The following SHOC2 variants were observed in gnomAD, a reference collection of about 807,000 sequenced individuals.
SHOC2 encodes the protein SHOC2 leucine rich repeat scaffold protein.
Under a neutral mutation model 50.2 loss-of-function variants are expected in SHOC2, and 4 were observed. The ratio of observed to expected loss-of-function variants is 0.08; its 90% CI spans 0.04 to 0.18. The LOEUF is 0.18. Ranked by LOEUF, SHOC2 falls within the 10% of genes least tolerant of loss-of-function variation. The pLI is 1.00. For missense variants in SHOC2, 388 were observed against 669.6 expected, an observed-to-expected ratio of 0.58 and a Z score of 4.64; for synonymous variants, 218 against 244.5, an observed-to-expected ratio of 0.89 and a Z score of 1.01.
intron 1 of SHOC2, among the ~76,000 whole-genome samples, chr10:110,925,399 G>GT (rs1171743813): frequency 4.6e-5 from 7 of 151,994 alleles, no homozygotes; most frequent in South Asian, 2.1e-4. Context: ...TATTTTTTGG[G>GT]TTTTTTTGTT....
chr10:110,955,175 G>T (rs146630123), intron 1 of SHOC2, among the ~76,000 whole-genome samples: 2,167 of 152,192 alleles, frequency 0.014, 39 homozygotes, highest in Admixed American at 0.018. Context: ...TTTAAAGTAT[G>T]TGGGAATCAG....
intron 3 of SHOC2, among the ~76,000 whole-genome samples, chr10:110,987,117 T>G (rs1444764361): frequency 6.6e-6 from 1 of 152,236 alleles, no homozygotes; most frequent in Non-Finnish European, 1.5e-5. Context: ...TAGCTGCATC[T>G]TCCAGTTAGG....
intron 1 of SHOC2, among the ~76,000 whole-genome samples, chr10:110,954,119 TTAA>T (rs1170235411): frequency 2.6e-5 from 4 of 151,624 alleles, no homozygotes; most frequent in African/African-American, 9.7e-5. Context: ...GTATAATTTA[TTAA>T]TGTTTATATT....
rs1766200044 is a variant in SHOC2, at chr10:111,013,008, A to G, written c.*1190A>G. The G allele has an allele frequency of 6.5e-6, 1 of 152,686 alleles. No individual in the cohort carries two copies. The highest frequency in any genetic ancestry group is 6.5e-5 in the Admixed American group (1 of 15,290). The allele number at this position is 152,686 out of a possible 1,614,324, so 9.5% of individuals were successfully genotyped here. ...GCACTGGCTTCAAACAATTCAGTTC[A>G]GTATCATTACTTTTAATCTCATCTT... is the stretch of plus-strand genomic sequence containing the variant. On this transcript the variant is annotated 3_prime_UTR_variant, in exon 9 of 9. Transcript: ENST00000369452.
intron 1 of SHOC2, among the ~76,000 whole-genome samples, chr10:110,945,956 C>T (rs997130181): frequency 6.6e-6 from 1 of 152,224 alleles, no homozygotes; most frequent in South Asian, 2.1e-4. Flanking sequence ...CCCAATTGGC[C>T]TCTTAAACAT....
rs1590819670 is a variant in SHOC2, at chr10:110,985,493, A to G, written c.704-135A>G. On this transcript the variant is annotated intron_variant, in intron 2 of 8. Coordinates refer to ENST00000369452, the MANE Select transcript of SHOC2 (RefSeq NM_007373.4). The stretch of plus-strand genomic sequence containing the variant: ...TAAATGATTTAAAATTTTAAAATAA[A>G]AGTTGCCTATCTAATAAGGTTATGT... 10 of 582,390 alleles carry G rather than the reference A, an allele frequency of 1.7e-5. No individual in the cohort carries two copies. The East Asian group carries it at 3.0e-4, about 17-fold the overall frequency. The allele number at this position is 582,390 out of a possible 1,614,324, so 36.1% of individuals were successfully genotyped here. A position where few individuals can be genotyped will look rare whatever the true frequency, so the allele number is the denominator to read the frequency against.
At position 110,964,449 on chromosome 10, in the gene SHOC2, T is replaced by C. The variant is rs951163627; in HGVS notation, c.91T>C (p.Ser31Pro). 1 of 1,613,888 alleles carries C rather than the reference T, an allele frequency of 6.2e-7. No individual in the cohort carries two copies. The highest frequency in any genetic ancestry group is 8.5e-7 in the Non-Finnish European group (1 of 1,179,954). The change falls in exon 2 of 9, where the codon TCT (serine) becomes CCT (proline). Residue 31 changes from serine to proline, a missense_variant. Physicochemically the swap from Ser to Pro is moderately conservative, Grantham distance 74. Around this residue, in one of 5 missense-constraint regions of SHOC2, gnomAD observed 121 missense variants for 145.5 expected, o/e 0.83. Transcript: ENST00000369452. This position sits in a 1 kb window ranked among gnomAD's most constrained non-coding sequence, Gnocchi z 4.9. Reference sequence around the variant, plus strand: ...GGAAAGAGAAAAGGAGGCAAAAGCCTCTGGAGGTTTTGGGAAAGAGAGCAA... The same window carrying C: ...GGAAAGAGAAAAGGAGGCAAAAGCCCCTGGAGGTTTTGGGAAAGAGAGCAA... Reference protein sequence around the residue: ...AKEREKEAKASGGFGKESKEK... With the variant: ...AKEREKEAKAPGGFGKESKEK...
At chr10:110,962,760 CTCCTT>C (rs1439262265) in intron 1 of SHOC2, among the ~76,000 whole-genome samples, 2 of 152,168 alleles carry the variant, frequency 1.3e-5, no homozygotes, top group African/African-American at 4.8e-5. Flanking sequence ...TTTGCCATCT[CTCCTT>C]TACTTGCTTG....
intron 1 of SHOC2, among the ~76,000 whole-genome samples, chr10:110,924,237 T>TA (rs1846711525): frequency 6.6e-6 from 1 of 152,252 alleles, no homozygotes; most frequent in Non-Finnish European, 1.5e-5. Flanking sequence ...CTTCTTTCAG[T>TA]AAGTTCAGAG....
At chr10:110,980,243 G>A (rs1383260361) in intron 2 of SHOC2, among the ~76,000 whole-genome samples, 3 of 148,460 alleles carry the variant, frequency 2.0e-5, no homozygotes, top group Non-Finnish European at 3.0e-5. Flanking sequence ...TGCAAGCTCC[G>A]CCTCCCGGGT....
intron 1 of SHOC2, among the ~76,000 whole-genome samples, chr10:110,933,972 A>G (rs1467027783): frequency 6.6e-6 from 1 of 152,234 alleles, no homozygotes; most frequent in East Asian, 1.9e-4. Context: ...TGTAGCTATT[A>G]GCTGTATTTT....
chr10:111,010,962 G>A (rs1848555647), intron 8 of SHOC2, among the ~76,000 whole-genome samples: 1 of 152,110 alleles, frequency 6.6e-6, no homozygotes, highest in Non-Finnish European at 1.5e-5. Context: ...GGAAACACAT[G>A]AGGCAAATTT....
At position 110,940,910 on chromosome 10, in the gene SHOC2, G is replaced by GGTTTTT. The variant is rs1564705752; in HGVS notation, c.-235+21253_-235+21254insGTTTTT. ...GACAAAATAGTGGTATTTGTGGTGG[G>GGTTTTT]TTTTTTTTTTTTTTTTTTTTTTTTT... On this transcript the variant is annotated intron_variant, in intron 1 of 8. Transcript: ENST00000369452. Among the ~76,000 whole-genome samples, 15 of 119,504 alleles carry GGTTTTT rather than the reference G, an allele frequency of 1.3e-4. 7 individuals carry two copies. Among genetic ancestry groups the GGTTTTT allele is most frequent in the African/African-American group, 2.2e-4 (7 of 31,418 alleles). 78.4% of individuals were successfully genotyped at this position (119,504 alleles called of 152,430 possible).
At chr10:110,919,409 C>G (rs1392932118), upstream of SHOC2, 1 of 392,346 alleles carries the variant, frequency 2.5e-6, no homozygotes, top group Non-Finnish European at 4.5e-6. Context: ...GGCGGCACTG[C>G]CCGTCTCTGA....
At chr10:110,935,534 C>A (rs1030163674) in intron 1 of SHOC2, among the ~76,000 whole-genome samples, 1 of 152,138 alleles carries the variant, frequency 6.6e-6, no homozygotes, top group Admixed American at 6.5e-5. Flanking sequence ...ATGCCTGTGT[C>A]ATTTTGAATA....
At chr10:110,994,606 A>G (rs1848238387) in intron 3 of SHOC2, among the ~76,000 whole-genome samples, 2 of 152,186 alleles carry the variant, frequency 1.3e-5, no homozygotes, top group African/African-American at 4.8e-5. Context: ...GCATAAAAAT[A>G]TTTCTATCAT....
chr10:110,947,227 C>T (rs1847262857), intron 1 of SHOC2, among the ~76,000 whole-genome samples: 1 of 152,224 alleles, frequency 6.6e-6, no homozygotes, highest in African/African-American at 2.4e-5. Context: ...CAGTGCCAGG[C>T]TGGCACCCAT....
At chr10:110,975,915 C>CT (rs146777123) in intron 2 of SHOC2, among the ~76,000 whole-genome samples, 14,922 of 148,306 alleles carry the variant, frequency 0.1, 1,116 homozygotes, top group East Asian at 0.24. Context: ...TTCTCTTCTT[C>CT]TTTTTTTTTT....
chr10:110,989,779 T>G (rs1390635969), intron 3 of SHOC2, among the ~76,000 whole-genome samples: 4 of 152,192 alleles, frequency 2.6e-5, no homozygotes, highest in Non-Finnish European at 5.9e-5. Flanking sequence ...ATTCAACATA[T>G]AGGTTTAAGT....
Sources: gnomAD v4.1 joint callset for allele counts (sites outside exome capture counted in the v4.1 genomes callset) on GRCh38, gnomAD v4.1.1 for gene constraint, gnomAD v4.1.1 regional missense constraint, Gnocchi (gnomAD v3.1) non-coding constraint, MANE v1.5 for transcripts, NCBI Gene and HGNC (gene_info 2026-07-23, HGNC 2026-07-21) for gene names.